SRP68: variants seen among roughly 807,000 people sequenced by gnomAD.
SRP68 encodes signal recognition particle 68.
Under a neutral mutation model 82.2 loss-of-function variants are expected in SRP68, and 15 were observed. That is an observed-to-expected ratio of 0.18 (90% CI 0.12 to 0.28). SRP68 has a LOEUF of 0.28. Among genes scored for constraint, SRP68 ranks in the 10% least tolerant of loss-of-function variants. SRP68 has a pLI of 1.00. For synonymous variants in SRP68, 261 were observed against 292.6 expected, an observed-to-expected ratio of 0.89 and a Z score of 1.10; for missense variants, 595 against 780.5, an observed-to-expected ratio of 0.76 and a Z score of 2.83.
chr17:76,042,534 T>A (rs2144481368), intron 13 of SRP68, among the ~76,000 whole-genome samples: 1 of 108,650 alleles, frequency 9.2e-6, no homozygotes, highest in African/African-American at 4.3e-5. Flanking sequence ...AGACTCCATC[T>A]TAAAAAAAAA....
Position 76,040,968 on chromosome 17 carries a change from T to A in SRP68, c.1535A>T (p.Asp512Val), listed in dbSNP as rs1338477330. The stretch of plus-strand genomic sequence containing the variant: ...CACTTGAGTGATGAGCTCTTGCACA[T>A]CAGGCAGGTCCTGTAAGATTCAGAA... ...AFKNSLKDLP[D>V]VQELITQVRS... The change falls in exon 14 of 16, where the codon GAT becomes GTT. Residue 512 changes from aspartate (D) to valine (V), a missense_variant. This residue lies in a region of SRP68 where 495 missense variants were observed against 688.6 expected (regional missense o/e 0.72). Transcript: ENST00000307877. 1.2e-6 allele frequency: 2 copies of A among 1,613,798 alleles called. No individual in the cohort carries two copies. Among genetic ancestry groups the A allele is most frequent in the Middle Eastern group, 1.6e-4 (1 of 6,062 alleles).
intron 3 of SRP68, among the ~76,000 whole-genome samples, chr17:76,065,787 T>C (rs1457567574): frequency 6.6e-6 from 1 of 152,108 alleles, no homozygotes; most frequent in Non-Finnish European, 1.5e-5. Flanking sequence ...TTTAGAATGC[T>C]GAACAGTAAA....
Position 76,071,390 on chromosome 17 carries a change from T to G in SRP68, c.184+918A>C, listed in dbSNP as rs1028278954. 1.3e-5 allele frequency among the ~76,000 whole-genome samples: 2 copies of G among 152,214 alleles called. No individual in the cohort carries two copies. The highest frequency in any genetic ancestry group is 4.8e-5 in the African/African-American group (2 of 41,460). On this transcript the variant is annotated intron_variant, in intron 1 of 15. Transcript: ENST00000307877. This position sits in a 1 kb window ranked among gnomAD's most constrained non-coding sequence, Gnocchi z 4.7. Reference sequence around the variant, plus strand: ...TTTAGAAAGTCCAATGACCTTCATCTATATAGGTATAGTTTTAATGTTTCC... The same window carrying G: ...TTTAGAAAGTCCAATGACCTTCATCGATATAGGTATAGTTTTAATGTTTCC...
intron 8 of SRP68, chr17:76,053,338 G>A (rs535347175): frequency 1.0e-4 from 34 of 328,116 alleles, no homozygotes; most frequent in African/African-American, 6.3e-4. Context: ...GAGCTACGGC[G>A]CCCGTTTTAA....
At chr17:76,047,849 C>T (rs1156705652) in intron 10 of SRP68, 57 bp downstream of exon 10, 8 of 946,452 alleles carry the variant, frequency 8.5e-6, no homozygotes, top group Admixed American at 8.4e-5. Flanking sequence ...TACATATACT[C>T]TTTTGTTCAA....
chr17:76,060,088 C>G (rs201191226), intron 7 of SRP68, among the ~76,000 whole-genome samples: 1 of 128,080 alleles, frequency 7.8e-6, no homozygotes, highest in Non-Finnish European at 1.6e-5. Flanking sequence ...ATCGTGCCAC[C>G]GCACTCCAGC....
Position 76,057,557 on chromosome 17 carries a change from T to A in SRP68, c.838-14A>T. On this transcript the variant is annotated splice_polypyrimidine_tract_variant and intron_variant, in intron 7 of 15. Transcript: ENST00000307877. ...AGTGATCAAAGCCTGAAAAATAGTT[T>A]AAAAAAGTTAAAGCTTTAACTGGGG... 1 of 1,613,848 alleles carries A rather than the reference T, an allele frequency of 6.2e-7. No individual in the cohort carries two copies.
intron 6 of SRP68, 198 bp from the exon 7 acceptor site, chr17:76,060,588 T>C (rs1234249351): frequency 1.8e-6 from 1 of 543,428 alleles, no homozygotes; most frequent in Non-Finnish European, 3.3e-6. Context: ...ATATGGTATA[T>C]AATGGTAAAT....
At chr17:76,044,097 TG>T (rs2066612166) in intron 12 of SRP68, 139 bp from the exon 13 acceptor site, 1 of 938,650 alleles carries the variant, frequency 1.1e-6, no homozygotes, top group African/African-American at 1.7e-5. Flanking sequence ...GCCCCCTTCA[TG>T]GGAAGTGTTC....
At chr17:76,055,299 C>T (rs959206571) in intron 8 of SRP68, among the ~76,000 whole-genome samples, 2 of 151,624 alleles carry the variant, frequency 1.3e-5, no homozygotes, top group African/African-American at 4.8e-5. Context: ...AATTAAATTT[C>T]AATAGTTTTG....
At position 76,039,476 on chromosome 17, in the gene SRP68, C is replaced by G. The variant is rs929509452; in HGVS notation, c.*230G>C. 15 of 654,776 alleles carry G rather than the reference C, an allele frequency of 2.3e-5. No homozygotes were observed. The South Asian group carries it at 2.4e-4, about 10-fold the overall frequency. The allele number at this position is 654,776 out of a possible 1,614,324, so 40.6% of individuals were successfully genotyped here. Reference sequence around the variant, plus strand: ...GCAGCGGCCCCTTTCCCAGGAGGTACAGGAGACAGGATGACCCTGCACACA... The same window carrying G: ...GCAGCGGCCCCTTTCCCAGGAGGTAGAGGAGACAGGATGACCCTGCACACA... On this transcript the variant is annotated 3_prime_UTR_variant, in exon 16 of 16. Coordinates refer to ENST00000307877, the MANE Select transcript of SRP68 (RefSeq NM_014230.4).
chr17:76,046,895 T>C (rs2066636430), intron 10 of SRP68, among the ~76,000 whole-genome samples: 1 of 151,398 alleles, frequency 6.6e-6, no homozygotes, highest in African/African-American at 2.4e-5. Context: ...GAGCCAAGAT[T>C]GCGCCACTGC....
At chr17:76,056,440 T>G (rs1356006544) in intron 8 of SRP68, among the ~76,000 whole-genome samples, 27 of 152,234 alleles carry the variant, frequency 1.8e-4, no homozygotes, top group Admixed American at 1.8e-3. Flanking sequence ...CAAAAAAAGT[T>G]CCTTAGCCTT....
At position 76,043,932 on chromosome 17, in the gene SRP68, A is replaced by T. The variant is rs1374270682; in HGVS notation, c.1421T>A (p.Val474Glu). ...YRCFFIAQSYVLVKKWSEALV... is the reference protein window; with the variant it reads ...YRCFFIAQSYELVKKWSEALV... ...GGCTTCGCTCCACTTCTTCACCAGC[A>T]CATAGGACTGAGCAATGAAAAAACA... Residue 474 changes from valine to glutamate, a missense_variant, in exon 13 of 16, where the codon GTG becomes GAG. Physicochemically the swap from Val to Glu is moderately radical, Grantham distance 121. This residue lies in a region of SRP68 where 495 missense variants were observed against 688.6 expected (regional missense o/e 0.72). Coordinates refer to ENST00000307877, the MANE Select transcript of SRP68 (RefSeq NM_014230.4). 2 of 1,608,964 alleles carry T rather than the reference A, an allele frequency of 1.2e-6. No individual in the cohort carries two copies. The highest frequency in any genetic ancestry group is 1.7e-6 in the Non-Finnish European group (2 of 1,178,638).
chr17:76,061,681 C>G (rs2066753266), intron 4 of SRP68, 107 bp from the exon 5 acceptor site: 2 of 908,662 alleles, frequency 2.2e-6, no homozygotes, highest in African/African-American at 3.3e-5. Context: ...TGGATATGGG[C>G]CAGGTGCAGT....
chr17:76,053,520 G>T, intron 8 of SRP68: 1 of 985,290 alleles, frequency 1.0e-6, no homozygotes, highest in Non-Finnish European at 1.2e-6. Flanking sequence ...TGACTGCCAC[G>T]TATCACCTCT....
chr17:76,041,903 CTTTT>C (rs1767751494), intron 13 of SRP68, among the ~76,000 whole-genome samples: 1 of 150,190 alleles, frequency 6.7e-6, no homozygotes, highest in African/African-American at 2.5e-5. Flanking sequence ...TTTTTTTTTT[CTTTT>C]TTTGAGACGG....
chr17:76,051,740 G>T (rs2066674337), intron 8 of SRP68, among the ~76,000 whole-genome samples: 2 of 151,970 alleles, frequency 1.3e-5, no homozygotes, highest in Non-Finnish European at 2.9e-5. Context: ...AACGAACTGG[G>T]GCTCATTCAT....
intron 10 of SRP68, 121 bp from the exon 11 acceptor site, chr17:76,046,315 C>T (rs773097136): frequency 3.5e-6 from 4 of 1,144,206 alleles, no homozygotes; most frequent in Non-Finnish European, 5.1e-6. Flanking sequence ...GTGGCCACAG[C>T]AGGGCCATTT....
Sources: allele counts gnomAD v4.1 joint callset (sites outside exome capture counted in the v4.1 genomes callset), GRCh38; gene constraint gnomAD v4.1.1; regional missense constraint gnomAD v4.1.1; non-coding constraint Gnocchi (gnomAD v3.1); transcripts MANE v1.5; gene names NCBI Gene and HGNC (gene_info 2026-07-23, HGNC 2026-07-21).